PLOD2: variants seen among roughly 807,000 people sequenced by gnomAD.
The protein encoded by PLOD2 is lysine hydroxylase 2.
A neutral mutation model predicts 101.0 loss-of-function variants in PLOD2; 65 were observed. The ratio of observed to expected loss-of-function variants is 0.64; its 90% CI spans 0.53 to 0.79. The LOEUF (loss-of-function observed/expected upper bound fraction) is 0.79, where lower values mean the gene tolerates loss of function less well. Among genes scored for constraint, PLOD2 ranks in the 30% least tolerant of loss-of-function variants. The pLI, the probability that PLOD2 is intolerant of heterozygous loss-of-function variation, is 0.00. For missense variants in PLOD2, 909 were observed against 914.6 expected, an observed-to-expected ratio of 0.99 and a Z score of 0.08; for synonymous variants, 314 against 302.9, an observed-to-expected ratio of 1.04 and a Z score of -0.38.
intron 3 of PLOD2, among the ~76,000 whole-genome samples, chr3:146,116,159 C>T (rs1937895457): frequency 6.6e-6 from 1 of 152,002 alleles, no homozygotes; most frequent in African/African-American, 2.4e-5. Context: ...AAGCATATGT[C>T]TATATTTCCA....
At chr3:146,140,233 A>G (rs1235060836) in intron 1 of PLOD2, among the ~76,000 whole-genome samples, 2 of 152,044 alleles carry the variant, frequency 1.3e-5, no homozygotes, top group African/African-American at 2.4e-5. Flanking sequence ...AGCTGAGCCA[A>G]TGCTATATGG....
intron 7 of PLOD2, among the ~76,000 whole-genome samples, chr3:146,096,886 GGGGGA>G (rs1448730852): frequency 3.0e-5 from 4 of 132,650 alleles, no homozygotes; most frequent in Admixed American, 7.0e-5. Context: ...GAGGTGGGGG[GGGGGA>G]GTCGGCCAGC....
In PLOD2 at chr3:146,070,832, T is replaced by C; in HGVS notation, c.2162A>G (p.Glu721Gly). Residue 721 changes from glutamate to glycine, a missense_variant, in exon 20 of 20, where the codon GAG becomes GGG. Coordinates refer to ENST00000282903, the MANE Select transcript of PLOD2 (RefSeq NM_182943.3). Reference protein sequence around the residue: ...CKFLRYNCSIESPRKGWSFMH... With the variant: ...CKFLRYNCSIGSPRKGWSFMH... The stretch of plus-strand genomic sequence containing the variant: ...GAAGCTCCAGCCTTTTCGTGGTGAC[T>C]CAATAGAGCAATTGTACCTTAGAAA... 1.2e-6 allele frequency: 2 copies of C among 1,610,594 alleles called. No individual in the cohort carries two copies. The highest frequency in any genetic ancestry group is 1.7e-4 in the Middle Eastern group (1 of 6,048).
At chr3:146,093,998 C>A (rs1011060642) in intron 7 of PLOD2, among the ~76,000 whole-genome samples, 8 of 152,154 alleles carry the variant, frequency 5.3e-5, no homozygotes, top group Non-Finnish European at 8.8e-5. Flanking sequence ...CAGAGGTTAT[C>A]CACCATCACC....
At chr3:146,094,504 A>G (rs934086400) in intron 7 of PLOD2, among the ~76,000 whole-genome samples, 13 of 152,218 alleles carry the variant, frequency 8.5e-5, no homozygotes, top group African/African-American at 3.1e-4. Context: ...AGAAAATAAA[A>G]TACCTAGGAA....
intron 1 of PLOD2, among the ~76,000 whole-genome samples, chr3:146,156,987 G>C (rs998042627): frequency 1.5e-5 from 2 of 134,754 alleles, no homozygotes; most frequent in African/African-American, 2.5e-5. Context: ...GAGTAAAGCA[G>C]GTAAAGCGGG....
At chr3:146,147,103 A>G (rs1185939968) in intron 1 of PLOD2, among the ~76,000 whole-genome samples, 1 of 152,198 alleles carries the variant, frequency 6.6e-6, no homozygotes, top group African/African-American at 2.4e-5. Flanking sequence ...AAGTTAGTTC[A>G]TATGAAAAGA....
intron 1 of PLOD2, 102 bp downstream of exon 1, chr3:146,160,779 C>T (rs944624017): frequency 1.3e-6 from 1 of 748,328 alleles, no homozygotes; most frequent in Non-Finnish European, 2.3e-6. Context: ...GACAGGCCCC[C>T]ACTACTCACC....
chr3:146,071,281 G>A lies in PLOD2; in HGVS notation c.1991C>T (p.Thr664Met), dbSNP rs763670371. ...GAGGGGTGAGAGGATAACTACCTTCGTATAATAGCCTGCAAAGACCTTCAG... is the reference window on the plus strand; with the variant it reads ...GAGGGGTGAGAGGATAACTACCTTCATATAATAGCCTGCAAAGACCTTCAG... ...VTLKVFAGYY[T>M]KGFALLNFVV... The change falls in exon 18 of 20, where the codon ACG (threonine) becomes ATG (methionine). Residue 664 changes from threonine (T) to methionine (M), a missense_variant. Transcript: ENST00000282903. 6.2e-6 allele frequency: 10 copies of A among 1,611,778 alleles called. No individual in the cohort carries two copies. In the East Asian group the frequency reaches 6.7e-5, roughly 11 times the overall value.
intron 14 of PLOD2, 111 bp from the exon 15 acceptor site, chr3:146,077,006 G>T: frequency 7.9e-7 from 1 of 1,270,728 alleles, no homozygotes; most frequent in Non-Finnish European, 1.0e-6. Flanking sequence ...TTTCATTTAT[G>T]AACATGCATT....
intron 7 of PLOD2, among the ~76,000 whole-genome samples, chr3:146,101,804 G>A (rs1210945353): frequency 6.6e-6 from 1 of 152,178 alleles, no homozygotes; most frequent in Non-Finnish European, 1.5e-5. Context: ...AGATGACAGA[G>A]CTGGGGAAAC....
At chr3:146,098,154 C>T (rs1937269621) in intron 7 of PLOD2, among the ~76,000 whole-genome samples, 2 of 152,086 alleles carry the variant, frequency 1.3e-5, no homozygotes, top group African/African-American at 4.8e-5. Flanking sequence ...ACCACCACAG[C>T]ACATGCATAC....
intron 1 of PLOD2, among the ~76,000 whole-genome samples, chr3:146,143,223 T>TAAAATAAGACTATAAGTATTAA (rs2031613731): frequency 6.6e-6 from 1 of 151,964 alleles, no homozygotes; most frequent in Non-Finnish European, 1.5e-5. Context: ...CTATAAGTTT[T>TAAAATAAGACTATAAGTATTAA]AATAGTAAGT....
At chr3:146,085,428 T>C (rs1230537757) in intron 10 of PLOD2, 155 bp from the exon 11 acceptor site, 6 of 605,440 alleles carry the variant, frequency 9.9e-6, no homozygotes, top group African/African-American at 1.9e-5. Context: ...GATATATATA[T>C]TGTCTTAAAT....
At chr3:146,136,654 G>A (rs186871710) in intron 1 of PLOD2, among the ~76,000 whole-genome samples, 1 of 152,208 alleles carries the variant, frequency 6.6e-6, no homozygotes, top group Admixed American at 6.5e-5. Flanking sequence ...GTCATCTAGT[G>A]ATATAGTAGC....
chr3:146,097,982 A>G (rs1219214521), intron 7 of PLOD2, among the ~76,000 whole-genome samples: 2 of 152,118 alleles, frequency 1.3e-5, no homozygotes, highest in South Asian at 2.1e-4. Context: ...GTTCTCACTC[A>G]TAAGTGGGAG....
intron 1 of PLOD2, among the ~76,000 whole-genome samples, chr3:146,132,077 G>T (rs1707465): frequency 0.5 from 76,390 of 151,956 alleles, 19,275 homozygotes; most frequent in East Asian, 0.56. Flanking sequence ...ACACACACTA[G>T]CTTTCACATG....
intron 1 of PLOD2, among the ~76,000 whole-genome samples, chr3:146,152,670 T>C (rs575003899): frequency 3.1e-4 from 47 of 152,296 alleles, no homozygotes; most frequent in African/African-American, 1.1e-3. Context: ...ACAGAATTCA[T>C]GAACCCTCAA....
chr3:146,142,687 A>G (rs887075979), intron 1 of PLOD2, among the ~76,000 whole-genome samples: 11 of 152,164 alleles, frequency 7.2e-5, no homozygotes, highest in Non-Finnish European at 1.6e-4. Context: ...ACAAAGTTTA[A>G]GCACACAAAT....
Sources: allele counts gnomAD v4.1 joint callset (sites outside exome capture counted in the v4.1 genomes callset), GRCh38; gene constraint gnomAD v4.1.1; transcripts MANE v1.5; gene names NCBI Gene and HGNC (gene_info 2026-07-23, HGNC 2026-07-21).